The following GPHN variants were observed in gnomAD, a reference collection of about 807,000 sequenced individuals.
GPHN encodes the protein gephyrin.
GPHN carries 17 observed loss-of-function variants against 95.5 expected under a neutral mutation model. The observed-to-expected ratio is 0.18, with a 90% confidence interval of 0.12 to 0.27. The LOEUF (loss-of-function observed/expected upper bound fraction) is 0.27. GPHN is among the 10% of genes least tolerant of loss of function. The probability of loss-of-function intolerance (pLI) is 1.00; values close to 1 mark genes in which losing one functional copy is unlikely to be tolerated. For missense variants in GPHN, 660 were observed against 978.1 expected (o/e 0.67, Z 4.34); for synonymous variants, 320 against 322.5 (o/e 0.99, Z 0.08).
At chr14:67,648,557 G>A in the GPHN span, 1 of 159,656 alleles carries the variant, frequency 6.3e-6, no homozygotes, top group Non-Finnish European at 1.4e-5. Flanking sequence ...TTGGTTCATT[G>A]GGAGTTGTGA....
At chr14:67,439,566 TTTCTTTC>T in the GPHN span, among the ~76,000 whole-genome samples, 1 of 124,344 alleles carries the variant, frequency 8.0e-6, no homozygotes, top group African/African-American at 4.4e-5. Flanking sequence ...TCTTTCTTTC[TTTCTTTC>T]TTTCTTTCTT....
chr14:66,798,594 G>T (rs2060237396), intron 3 of GPHN, among the ~76,000 whole-genome samples: 1 of 151,488 alleles, frequency 6.6e-6, no homozygotes, highest in Admixed American at 6.6e-5. Context: ...AATTTATTGG[G>T]ATACAGTTGC....
At chr14:67,241,032 A>G in the GPHN span, 2 of 152,288 alleles carry the variant, frequency 1.3e-5, no homozygotes, top group Admixed American at 1.3e-4. Context: ...AACCCAGGGA[A>G]GCCTCGCGTC....
intron 18 of GPHN, 48 bp downstream of exon 18, chr14:67,143,497 C>T: frequency 8.8e-7 from 1 of 1,140,042 alleles, no homozygotes; most frequent in South Asian, 1.2e-5. Flanking sequence ...AATGTTCTTG[C>T]ATATGGTCGA....
chr14:66,811,348 C>A (rs1256135701), intron 3 of GPHN, among the ~76,000 whole-genome samples: 1 of 151,998 alleles, frequency 6.6e-6, no homozygotes, highest in Non-Finnish European at 1.5e-5. Context: ...GAAAAAAATT[C>A]ATGTGTGTGT....
chr14:66,927,301 A>G (rs1012885175), intron 8 of GPHN, among the ~76,000 whole-genome samples: 8 of 150,910 alleles, frequency 5.3e-5, no homozygotes, highest in African/African-American at 2.0e-4. Context: ...GTGAGCTAAG[A>G]TCGTGCCACT....
At chr14:67,170,928 T>C (rs1045100794) in intron 21 of GPHN, among the ~76,000 whole-genome samples, 1 of 152,244 alleles carries the variant, frequency 6.6e-6, no homozygotes, top group African/African-American at 2.4e-5. Flanking sequence ...TTCTTCAGAA[T>C]AGATGCCACA....
intron 10 of GPHN, among the ~76,000 whole-genome samples, chr14:67,043,568 G>T (rs1048811862): frequency 1.3e-5 from 2 of 152,144 alleles, no homozygotes; most frequent in Non-Finnish European, 2.9e-5. Flanking sequence ...CTTGCATCCA[G>T]GTATGAAGCC....
intron 9 of GPHN, among the ~76,000 whole-genome samples, chr14:66,984,074 G>T (rs1442795016): frequency 6.6e-6 from 1 of 152,090 alleles, no homozygotes; most frequent in Non-Finnish European, 1.5e-5. Context: ...CATAGAAAAT[G>T]GTGTTCACTT....
chr14:66,649,628 C>A (rs2153363995), intron 1 of GPHN, among the ~76,000 whole-genome samples: 1 of 152,270 alleles, frequency 6.6e-6, no homozygotes, highest in African/African-American at 2.4e-5. Flanking sequence ...GCCTGATGAT[C>A]TGAAGTGGAG....
At chr14:67,704,999 T>C in the GPHN span, among the ~76,000 whole-genome samples, 3 of 152,088 alleles carry the variant, frequency 2.0e-5, no homozygotes, top group Admixed American at 6.6e-5. Flanking sequence ...TCCAGGGAGG[T>C]CACTCTGAAA....
chr14:66,973,944 C>T lies in GPHN; in HGVS notation c.963+8619C>T, dbSNP rs78997407. On this transcript the variant is annotated intron_variant, in intron 9 of 22. Transcript: ENST00000478722. ...TCAGATCAACATTGCTGGCCCACCA[C>T]TGATATAATACTCTATATCAATACT... is the stretch of plus-strand genomic sequence containing the variant. 7.6e-3 allele frequency among the ~76,000 whole-genome samples: 1,157 copies of T among 152,296 alleles called. 24 individuals are homozygous for T. The highest frequency in any genetic ancestry group is 0.027 in the African/African-American group (1,102 of 41,546).
At chr14:67,452,848 C>T in the GPHN span, among the ~76,000 whole-genome samples, 1 of 152,140 alleles carries the variant, frequency 6.6e-6, no homozygotes, top group Non-Finnish European at 1.5e-5. Flanking sequence ...TAAGTATTTG[C>T]CCAAGATCAC....
the GPHN span, among the ~76,000 whole-genome samples, chr14:67,694,104 A>G: frequency 6.6e-6 from 1 of 152,310 alleles, no homozygotes; most frequent in East Asian, 1.9e-4. Context: ...ATGCATTCTT[A>G]AAGAGCATTT....
At chr14:66,848,578 C>T (rs1363735473) in intron 4 of GPHN, among the ~76,000 whole-genome samples, 1 of 151,958 alleles carries the variant, frequency 6.6e-6, no homozygotes, top group East Asian at 1.9e-4. Flanking sequence ...ATATTAGGAG[C>T]ACACCATTTT....
chr14:66,973,006 A>G (rs144072861), intron 9 of GPHN, among the ~76,000 whole-genome samples: 1,828 of 152,318 alleles, frequency 0.012, 19 homozygotes, highest in Non-Finnish European at 0.018. Flanking sequence ...GACTTTGTCA[A>G]GCCCTGAAAG....
chr14:67,036,490 T>TATAC (rs1240668444), intron 10 of GPHN, among the ~76,000 whole-genome samples: 2 of 104,826 alleles, frequency 1.9e-5, no homozygotes, highest in African/African-American at 1.3e-4. Flanking sequence ...ATTCCACTTA[T>TATAC]ATACATACAT....
At chr14:66,937,825 A>G (rs2067210779) in intron 8 of GPHN, among the ~76,000 whole-genome samples, 1 of 152,206 alleles carries the variant, frequency 6.6e-6, no homozygotes, top group Admixed American at 6.5e-5. Flanking sequence ...GCCATTACTT[A>G]ATACTTTTAA....
chr14:67,574,479 TGGTGGGTTCCCCCTTATACGG>T, the GPHN span: 1 of 1,244,940 alleles, frequency 8.0e-7, no homozygotes, highest in Non-Finnish European at 1.1e-6. The surrounding 1 kb of genome is among the most constrained non-coding windows in gnomAD (Gnocchi z 4.2). Context: ...GTGCCGAGGG[TGGTGGGTTCCCCCTTATACGG>T]GGCTCCTTTC....
Sources: gnomAD v4.1 joint callset for allele counts (sites outside exome capture counted in the v4.1 genomes callset) on GRCh38, gnomAD v4.1.1 for gene constraint, Gnocchi (gnomAD v3.1) non-coding constraint, MANE v1.5 for transcripts, NCBI Gene and HGNC (gene_info 2026-07-23, HGNC 2026-07-21) for gene names.